Variants in WSCD2 observed in about 807,000 individuals in gnomAD.
The protein encoded by WSCD2 is WSC domain sialate O sulfotransferase 2, also known as sialate:O-sulfotransferase 2.
Under a neutral mutation model 55.7 loss-of-function variants are expected in WSCD2, and 28 were observed. That is an observed-to-expected ratio of 0.50 (90% CI 0.37 to 0.69). The LOEUF (loss-of-function observed/expected upper bound fraction) is 0.69. WSCD2 is among the 30% of genes least tolerant of loss of function. The pLI is 0.00. For synonymous variants in WSCD2, 301 were observed against 301.9 expected (o/e 1.00, Z 0.03); for missense variants, 616 against 762.1 (o/e 0.81, Z 2.26).
At chr12:108,209,880 C>G (rs1324917366) in intron 3 of WSCD2, among the ~76,000 whole-genome samples, 1 of 152,030 alleles carries the variant, frequency 6.6e-6, no homozygotes, top group Non-Finnish European at 1.5e-5. Flanking sequence ...TTGGTGTCCC[C>G]CTGTCTCCCG....
chr12:108,220,378 C>G (rs1432756964), intron 4 of WSCD2, among the ~76,000 whole-genome samples: 1 of 152,250 alleles, frequency 6.6e-6, no homozygotes, highest in African/African-American at 2.4e-5. Context: ...TTTCAGTCCT[C>G]TGAGCCTTGA....
At chr12:108,243,477 A>G (rs1050160284) in intron 8 of WSCD2, among the ~76,000 whole-genome samples, 1 of 152,058 alleles carries the variant, frequency 6.6e-6, no homozygotes, top group Non-Finnish European at 1.5e-5. Context: ...CTCGTGATCC[A>G]CCTGCCTCTG....
At chr12:108,246,532 CT>C (rs1204842999) in intron 8 of WSCD2, among the ~76,000 whole-genome samples, 1 of 152,204 alleles carries the variant, frequency 6.6e-6, no homozygotes, top group Non-Finnish European at 1.5e-5. Flanking sequence ...CCCTTCTGCA[CT>C]TTCCCCAGCT....
intron 8 of WSCD2, among the ~76,000 whole-genome samples, chr12:108,242,555 C>T (rs77075501): frequency 0.022 from 3,325 of 152,222 alleles, 44 homozygotes; most frequent in Middle Eastern, 0.041. Context: ...TGGGAAAACC[C>T]CAGTGCCCAG....
intron 1 of WSCD2, among the ~76,000 whole-genome samples, chr12:108,173,103 G>A (rs1262822063): frequency 6.6e-6 from 1 of 152,014 alleles, no homozygotes; most frequent in Non-Finnish European, 1.5e-5. Context: ...CCAGACTCCA[G>A]AACTTTGAAA....
intron 1 of WSCD2, among the ~76,000 whole-genome samples, chr12:108,190,022 AT>A (rs1408537478): frequency 6.6e-6 from 1 of 152,246 alleles, no homozygotes; most frequent in Non-Finnish European, 1.5e-5. Context: ...GATATGATAT[AT>A]TTGTATATAT....
intron 1 of WSCD2, among the ~76,000 whole-genome samples, chr12:108,159,672 A>G (rs1384823854): frequency 6.6e-6 from 1 of 152,182 alleles, no homozygotes; most frequent in East Asian, 1.9e-4. Context: ...GGATCATCTG[A>G]GCGTGAGGGA....
chr12:108,167,434 T>G (rs1434109053), intron 1 of WSCD2: 1 of 152,206 alleles, frequency 6.6e-6, no homozygotes, highest in Non-Finnish European at 1.5e-5. Flanking sequence ...GATGTTCGCT[T>G]GTGTGTTCTC....
At chr12:108,181,521 A>C (rs532778956) in intron 1 of WSCD2, among the ~76,000 whole-genome samples, 1 of 152,314 alleles carries the variant, frequency 6.6e-6, no homozygotes, top group Admixed American at 6.5e-5. Flanking sequence ...GATGCCTGTC[A>C]GGGACCCTGA....
intron 8 of WSCD2, chr12:108,244,430 C>T: frequency 2.9e-6 from 2 of 692,380 alleles, no homozygotes; most frequent in South Asian, 3.0e-5. Context: ...AATGATGGAG[C>T]ATGTGGAGAG....
intron 1 of WSCD2, among the ~76,000 whole-genome samples, chr12:108,134,578 G>A (rs1187858449): frequency 6.6e-6 from 1 of 152,050 alleles, no homozygotes; most frequent in South Asian, 2.1e-4. Flanking sequence ...ATCTCACTGG[G>A]GTTTTCTGGT....
intron 1 of WSCD2, among the ~76,000 whole-genome samples, chr12:108,168,843 G>GC (rs1879932378): frequency 6.6e-6 from 1 of 152,164 alleles, no homozygotes; most frequent in Admixed American, 6.6e-5. Flanking sequence ...TGTTCCTGGT[G>GC]TATAGCAAGT....
At chr12:108,171,517 T>A (rs981178496) in intron 1 of WSCD2, among the ~76,000 whole-genome samples, 23 of 152,246 alleles carry the variant, frequency 1.5e-4, no homozygotes, top group African/African-American at 5.5e-4. Flanking sequence ...AATATCTCAA[T>A]AATGCTTCAC....
intron 1 of WSCD2, among the ~76,000 whole-genome samples, chr12:108,171,027 G>A (rs1369232827): frequency 6.6e-6 from 1 of 152,188 alleles, no homozygotes; most frequent in Non-Finnish European, 1.5e-5. Context: ...AGGTAGGAGA[G>A]GCTGGTTCTT....
At chr12:108,142,744 T>C (rs976137295) in intron 1 of WSCD2, among the ~76,000 whole-genome samples, 24 of 152,298 alleles carry the variant, frequency 1.6e-4, no homozygotes, top group Middle Eastern at 3.4e-3. Context: ...CTTGACATCT[T>C]ACAGGTCTCT....
chr12:108,175,650 GA>G lies in WSCD2; in HGVS notation c.-551-19630del, dbSNP rs149916486. ...AGGCAATGGGATGAGGGGCGTGTGG[GA>G]ACCCAGGTGTTCCTGGGAGCCATCC... On this transcript the variant is annotated intron_variant, in intron 1 of 8. Transcript: ENST00000547525. 3.3e-4 allele frequency among the ~76,000 whole-genome samples: 50 copies of G among 152,308 alleles called. No individual in the cohort carries two copies. In the East Asian group the frequency reaches 9.7e-3, roughly 30 times the overall value.
intron 4 of WSCD2, among the ~76,000 whole-genome samples, 177 bp from the exon 5 acceptor site, chr12:108,224,562 G>A (rs1407261893): frequency 6.6e-6 from 1 of 152,162 alleles, no homozygotes; most frequent in Non-Finnish European, 1.5e-5. Context: ...CTCATTGACT[G>A]TGAACAGGCA....
chr12:108,202,522 T>TA (rs953340656), intron 2 of WSCD2, among the ~76,000 whole-genome samples: 1 of 151,830 alleles, frequency 6.6e-6, no homozygotes, highest in Non-Finnish European at 1.5e-5. Context: ...CCCAGGCTTA[T>TA]AAAAAAAGAA....
rs557114837 is a variant in WSCD2 at position 108,224,801 on chromosome 12, G to A, written c.745G>A (p.Val249Met). 6.8e-5 allele frequency: 110 copies of A among 1,613,734 alleles called. No homozygotes were observed. The highest frequency in any genetic ancestry group is 5.8e-4 in the East Asian group (26 of 44,886). Residue 249 changes from valine (V) to methionine (M), a missense_variant, in exon 5 of 9, where the codon GTG (valine) becomes ATG (methionine). This residue lies in a region of WSCD2 where 374 missense variants were observed against 467.4 expected (regional missense o/e 0.80). Transcript: ENST00000547525. ...RPDNLSLALP[V>M]TAAMLNMSVD... ...CGACAACCTTTCCCTGGCCTTACCCGTGACAGCTGCCATGCTGAACATGTC... is the reference window on the plus strand; with the variant it reads ...CGACAACCTTTCCCTGGCCTTACCCATGACAGCTGCCATGCTGAACATGTC...
Sources: allele counts gnomAD v4.1 joint callset (sites outside exome capture counted in the v4.1 genomes callset), GRCh38; gene constraint gnomAD v4.1.1; regional missense constraint gnomAD v4.1.1; transcripts MANE v1.5; gene names NCBI Gene and HGNC (gene_info 2026-07-23, HGNC 2026-07-21).